The following OPHN1 variants were observed in gnomAD, a reference collection of about 807,000 sequenced individuals.
OPHN1 encodes the protein oligophrenin-1.
A neutral mutation model predicts 60.7 loss-of-function variants in OPHN1; 11 were observed. That is an observed-to-expected ratio of 0.18 (90% CI 0.11 to 0.30). OPHN1 has a LOEUF of 0.30. OPHN1 is among the 10% of genes least tolerant of loss of function. The pLI is 1.00. For missense variants in OPHN1, 449 were observed against 611.0 expected, an observed-to-expected ratio of 0.73 and a Z score of 2.80; for synonymous variants, 226 against 222.6, an observed-to-expected ratio of 1.02 and a Z score of -0.14.
At position 68,307,695 on chromosome X, in the gene OPHN1, T is replaced by C. The variant is rs146106842; in HGVS notation, c.155-8599A>G. Reference sequence around the variant, plus strand: ...CACTTATAGAGGAGACAAACTACAATGCAACATGTATAGAACAGGAAAACA... The same window carrying C: ...CACTTATAGAGGAGACAAACTACAACGCAACATGTATAGAACAGGAAAACA... On this transcript the variant is annotated intron_variant, in intron 2 of 24. Coordinates refer to ENST00000355520, the MANE Select transcript of OPHN1 (RefSeq NM_002547.3). Among the ~76,000 whole-genome samples, 772 of 110,891 alleles carry C rather than the reference T, an allele frequency of 7.0e-3. 8 individuals are homozygous for C. Among genetic ancestry groups the C allele is most frequent in the African/African-American group, 0.024 (734 of 30,513 alleles).
intron 16 of OPHN1, among the ~76,000 whole-genome samples, chrX:68,117,838 C>A (rs2077133726): frequency 9.0e-6 from 1 of 111,583 alleles, no homozygotes; most frequent in African/African-American, 3.3e-5. Flanking sequence ...GGGGTGCCGC[C>A]CACTCGCACT....
At chrX:68,263,332 C>T (rs1371971364) in intron 5 of OPHN1, among the ~76,000 whole-genome samples, 1 of 111,664 alleles carries the variant, frequency 9.0e-6, no homozygotes, top group Non-Finnish European at 1.9e-5. Flanking sequence ...ATGCCAGTAG[C>T]CACTTGGGAA....
At chrX:68,346,274 T>C (rs927297282) in intron 2 of OPHN1, among the ~76,000 whole-genome samples, 12 of 112,059 alleles carry the variant, frequency 1.1e-4, no homozygotes, top group Admixed American at 4.8e-4. Context: ...TGGAGTCCTC[T>C]GAGCACTGAA....
intron 2 of OPHN1, among the ~76,000 whole-genome samples, chrX:68,376,827 C>G (rs1024546111): frequency 6.3e-5 from 7 of 111,501 alleles, no homozygotes; most frequent in African/African-American, 2.3e-4. Flanking sequence ...CTTAAAAGAA[C>G]AGCATTACAA....
At chrX:68,348,137 C>T (rs1391412237) in intron 2 of OPHN1, among the ~76,000 whole-genome samples, 2 of 111,865 alleles carry the variant, frequency 1.8e-5, no homozygotes, top group Non-Finnish European at 1.9e-5. Context: ...CTAGCCTCCC[C>T]AAGGTCACTT....
intron 2 of OPHN1, 93 bp from the exon 3 acceptor site, chrX:68,299,189 G>A (rs1342173990): frequency 5.3e-6 from 3 of 565,904 alleles, no homozygotes; most frequent in African/African-American, 2.3e-5. Context: ...GAAAACCAAA[G>A]GTAAGTGCTC....
intron 18 of OPHN1, among the ~76,000 whole-genome samples, chrX:68,098,154 A>G (rs1168673344): frequency 1.8e-5 from 2 of 110,688 alleles, no homozygotes; most frequent in African/African-American, 6.6e-5. Context: ...TTGGAGATGC[A>G]CATAACGTTA....
At chrX:68,096,453 G>A (rs912904780) in intron 19 of OPHN1, among the ~76,000 whole-genome samples, 1 of 111,252 alleles carries the variant, frequency 9.0e-6, no homozygotes, top group Non-Finnish European at 1.9e-5. Context: ...CTTGTTAATC[G>A]GTCTTTTGTT....
At chrX:68,116,436 AT>A (rs1291016871) in intron 16 of OPHN1, among the ~76,000 whole-genome samples, 2 of 111,843 alleles carry the variant, frequency 1.8e-5, no homozygotes, top group Non-Finnish European at 3.8e-5. Context: ...ATGAGAATTT[AT>A]GGCTTGGAGG....
At chrX:68,106,104 AAGAGAGAGAG>A (rs35438846) in intron 18 of OPHN1, among the ~76,000 whole-genome samples, 4 of 96,404 alleles carry the variant, frequency 4.1e-5, no homozygotes, top group African/African-American at 1.2e-4. Context: ...AGAGAGAGAG[AAGAGAGAGAG>A]AGAGAGAGAG....
intron 2 of OPHN1, among the ~76,000 whole-genome samples, chrX:68,404,490 G>T (rs1263460271): frequency 9.0e-6 from 1 of 111,222 alleles, no homozygotes; most frequent in Admixed American, 9.6e-5. Flanking sequence ...ATATAATCCA[G>T]CAATCCCACT....
At chrX:68,130,401 C>CA (rs1448529303) in intron 15 of OPHN1, among the ~76,000 whole-genome samples, 10 of 111,262 alleles carry the variant, frequency 9.0e-5, no homozygotes, top group Non-Finnish European at 1.5e-4. Context: ...AACCTTGAGG[C>CA]AAAAATTATA....
At chrX:68,325,265 G>A (rs1203066682) in intron 2 of OPHN1, among the ~76,000 whole-genome samples, 2 of 108,712 alleles carry the variant, frequency 1.8e-5, no homozygotes, top group Non-Finnish European at 3.8e-5. Flanking sequence ...GAAAGTACTG[G>A]AAAACAATTT....
At chrX:68,063,588 T>C (rs1456729158) in intron 21 of OPHN1, among the ~76,000 whole-genome samples, 1 of 108,795 alleles carries the variant, frequency 9.2e-6, no homozygotes, top group Non-Finnish European at 1.9e-5. Flanking sequence ...GGATAAGAAA[T>C]AGTATATCAG....
At chrX:68,298,431 TCTA>T (rs2078105377) in intron 3 of OPHN1, among the ~76,000 whole-genome samples, 1 of 112,095 alleles carries the variant, frequency 8.9e-6, no homozygotes, top group Non-Finnish European at 1.9e-5. Context: ...TCTTTTGACT[TCTA>T]CTATTCAACC....
Position 68,053,788 on chromosome X carries a change from T to G in OPHN1, c.2181A>C (p.Lys727Asn). ...HKEGDADSFS[K>N]VRPPGEKPTI... ...TTGGCTTTTCTCCTGGAGGCCGCAC[T>G]TTGCTGAAACTGTCAGCATCCCCTG... Residue 727 changes from lysine (K) to asparagine (N), a missense_variant, in exon 22 of 25, where the codon AAA becomes AAC. Physicochemically the swap from Lys to Asn is moderately conservative, Grantham distance 94. This residue lies in a region of OPHN1 where 184 missense variants were observed against 160.5 expected (regional missense o/e 1.15). Transcript: ENST00000355520. 8.3e-7 allele frequency: 1 copy of G among 1,210,115 alleles called. No homozygotes were observed. Among genetic ancestry groups the G allele is most frequent in the Non-Finnish European group, 1.1e-6 (1 of 895,135 alleles).
rs1338314674 is a variant in OPHN1, at chrX:68,048,432, C to A, written c.2401G>T (p.Glu801Ter). 3 of 1,210,308 alleles carry A rather than the reference C, an allele frequency of 2.5e-6. No homozygotes were observed. The highest frequency in any genetic ancestry group is 3.4e-6 in the Non-Finnish European group (3 of 894,353). The change falls in exon 24 of 25, where the codon GAA (glutamate) becomes TAA (stop). Residue 801 changes from glutamate (E) to a stop codon, truncating the protein, a stop_gained. Coordinates refer to ENST00000355520, the MANE Select transcript of OPHN1 (RefSeq NM_002547.3). LOFTEE classifies it high-confidence loss of function. ...ACTGCATACCTGTAGCCTCAACTTT[C>A]ATCTCCAGGAAGTCTGCCTTGAGAA... ...GSSQGRLPGD[E>*]S
At chrX:68,122,682 GA>G (rs1173073977) in intron 15 of OPHN1, among the ~76,000 whole-genome samples, 1 of 110,380 alleles carries the variant, frequency 9.1e-6, no homozygotes, top group African/African-American at 3.3e-5. Context: ...AGAAATTCTG[GA>G]GTTAAAAAAT....
chrX:68,246,561 A>G (rs1427715442), intron 5 of OPHN1, among the ~76,000 whole-genome samples: 1 of 111,856 alleles, frequency 8.9e-6, no homozygotes, highest in Non-Finnish European at 1.9e-5. Context: ...AGGAGACAAG[A>G]AACCATGGTC....
Sources: gnomAD v4.1 joint callset for allele counts (sites outside exome capture counted in the v4.1 genomes callset) on GRCh38, gnomAD v4.1.1 for gene constraint, gnomAD v4.1.1 regional missense constraint, MANE v1.5 for transcripts, NCBI Gene and HGNC (gene_info 2026-07-23, HGNC 2026-07-21) for gene names.